The following CACNG2 variants were observed in gnomAD, a reference collection of about 807,000 sequenced individuals.
CACNG2 encodes calcium voltage-gated channel auxiliary subunit gamma 2.
A neutral mutation model predicts 25.9 loss-of-function variants in CACNG2; 3 were observed. The observed-to-expected ratio is 0.12, with a 90% CI of 0.05 to 0.30. The LOEUF is 0.30. CACNG2 is among the 10% of genes least tolerant of loss of function. CACNG2 has a pLI of 1.00. For synonymous variants in CACNG2, 167 were observed against 173.3 expected (o/e 0.96, Z 0.29); for missense variants, 341 against 432.5 (o/e 0.79, Z 1.88).
At chr22:36,694,842 T>C (rs562116351) in intron 1 of CACNG2, among the ~76,000 whole-genome samples, 4 of 152,326 alleles carry the variant, frequency 2.6e-5, no homozygotes, top group Admixed American at 2.6e-4. Flanking sequence ...TTTCTACCCT[T>C]CTCTGAACTG....
At chr22:36,663,189 G>A (rs554402593) in intron 1 of CACNG2, among the ~76,000 whole-genome samples, 11 of 152,220 alleles carry the variant, frequency 7.2e-5, no homozygotes, top group South Asian at 2.1e-4. Flanking sequence ...TGCCTGGTCC[G>A]GTGCCTGGCA....
chr22:36,591,231 C>T (rs1010663021), intron 1 of CACNG2, among the ~76,000 whole-genome samples: 5 of 151,832 alleles, frequency 3.3e-5, no homozygotes, highest in African/African-American at 7.3e-5. Flanking sequence ...TTTGTAGAGA[C>T]GGGGTTTCAC....
At chr22:36,631,297 G>C (rs939421723) in intron 1 of CACNG2, among the ~76,000 whole-genome samples, 1 of 152,134 alleles carries the variant, frequency 6.6e-6, no homozygotes, top group South Asian at 2.1e-4. Flanking sequence ...GGCGAGTTCA[G>C]TTATGGACTC....
intron 1 of CACNG2, among the ~76,000 whole-genome samples, chr22:36,678,961 C>T (rs2145999419): frequency 6.6e-6 from 1 of 152,320 alleles, no homozygotes; most frequent in African/African-American, 2.4e-5. Context: ...CTGACACAGC[C>T]AATGCTCCCA....
intron 1 of CACNG2, among the ~76,000 whole-genome samples, chr22:36,615,469 T>A (rs2145944823): frequency 6.6e-6 from 1 of 152,354 alleles, no homozygotes; most frequent in East Asian, 1.9e-4. Context: ...TCTGGGCCTC[T>A]TGCACCATGG....
intron 1 of CACNG2, among the ~76,000 whole-genome samples, chr22:36,629,935 G>A (rs1006893585): frequency 5.9e-5 from 9 of 152,186 alleles, no homozygotes; most frequent in African/African-American, 9.7e-5. Flanking sequence ...GCATGGGGGC[G>A]TAAAGGTAGC....
At chr22:36,605,229 C>G (rs1935812806) in intron 1 of CACNG2, among the ~76,000 whole-genome samples, 1 of 152,164 alleles carries the variant, frequency 6.6e-6, no homozygotes. Context: ...TGCCCACCAC[C>G]ATGCCCGGCT....
At chr22:36,658,069 T>C (rs1936734941) in intron 1 of CACNG2, among the ~76,000 whole-genome samples, 1 of 152,106 alleles carries the variant, frequency 6.6e-6, no homozygotes, top group Non-Finnish European at 1.5e-5. Context: ...AGTGCATCAT[T>C]ACCAAGTATT....
chr22:36,602,696 T>A (rs1375244048), intron 1 of CACNG2, among the ~76,000 whole-genome samples: 1 of 152,240 alleles, frequency 6.6e-6, no homozygotes, highest in Non-Finnish European at 1.5e-5. Flanking sequence ...TACTTCTTCA[T>A]TATTATTACA....
intron 1 of CACNG2, among the ~76,000 whole-genome samples, chr22:36,671,653 G>A (rs887935826): frequency 6.6e-6 from 1 of 152,150 alleles, no homozygotes; most frequent in African/African-American, 2.4e-5. Flanking sequence ...GTGCATTCCC[G>A]ACCTTCCTGT....
At chr22:36,611,482 T>C (rs995227145) in intron 1 of CACNG2, among the ~76,000 whole-genome samples, 2 of 152,162 alleles carry the variant, frequency 1.3e-5, no homozygotes, top group Non-Finnish European at 2.9e-5. Flanking sequence ...GCAATGAAGC[T>C]CAAGGCTGCC....
intron 2 of CACNG2, among the ~76,000 whole-genome samples, chr22:36,568,514 C>T (rs562831458): frequency 2.0e-5 from 3 of 152,198 alleles, no homozygotes; most frequent in African/African-American, 7.2e-5. Flanking sequence ...AAGCGATTCT[C>T]CTGCCTCAGC....
At chr22:36,620,634 C>T (rs942856465) in intron 1 of CACNG2, among the ~76,000 whole-genome samples, 2 of 152,196 alleles carry the variant, frequency 1.3e-5, no homozygotes, top group Admixed American at 6.5e-5. Flanking sequence ...TTTCTCCGCA[C>T]CTTTTTTTTG....
At chr22:36,698,037 C>T (rs147147469) in intron 1 of CACNG2, among the ~76,000 whole-genome samples, 1 of 152,234 alleles carries the variant, frequency 6.6e-6, no homozygotes, top group East Asian at 1.9e-4. Context: ...TTTGAATTCA[C>T]TTATCTTATA....
At chr22:36,698,871 G>A (rs952358532) in intron 1 of CACNG2, among the ~76,000 whole-genome samples, 5 of 152,162 alleles carry the variant, frequency 3.3e-5, no homozygotes, top group Admixed American at 6.5e-5. Flanking sequence ...GGGAGCCATG[G>A]AGCCAAGACA....
At chr22:36,658,520 C>A (rs1030056307) in intron 1 of CACNG2, among the ~76,000 whole-genome samples, 1 of 152,208 alleles carries the variant, frequency 6.6e-6, no homozygotes, top group African/African-American at 2.4e-5. Context: ...AAGGATAATA[C>A]AGCTCAGAAG....
intron 1 of CACNG2, among the ~76,000 whole-genome samples, chr22:36,687,677 T>C (rs905366131): frequency 6.6e-6 from 1 of 152,214 alleles, no homozygotes; most frequent in African/African-American, 2.4e-5. Context: ...GAATTAAGGC[T>C]GCTAATCAGC....
chr22:36,620,281 G>A (rs924372855), intron 1 of CACNG2, among the ~76,000 whole-genome samples: 1 of 152,178 alleles, frequency 6.6e-6, no homozygotes, highest in Non-Finnish European at 1.5e-5. Flanking sequence ...GGCTCAGAGA[G>A]GCATTCCTTT....
At chr22:36,581,088 C>G (rs1039957033) in intron 2 of CACNG2, among the ~76,000 whole-genome samples, 1 of 152,202 alleles carries the variant, frequency 6.6e-6, no homozygotes, top group African/African-American at 2.4e-5. Flanking sequence ...GCTCCTTAAT[C>G]TTTGGTTAAT....
Sources: gnomAD v4.1 joint callset for allele counts (sites outside exome capture counted in the v4.1 genomes callset) on GRCh38, gnomAD v4.1.1 for gene constraint, MANE v1.5 for transcripts, NCBI Gene and HGNC (gene_info 2026-07-23, HGNC 2026-07-21) for gene names.